Variants in MROH9 observed in about 807,000 individuals in gnomAD.
MROH9 encodes maestro heat-like repeat-containing protein family member 9.
A neutral mutation model predicts 98.2 loss-of-function variants in MROH9; 92 were observed. That is an observed-to-expected ratio of 0.94 (90% CI 0.79 to 1.11). The LOEUF (loss-of-function observed/expected upper bound fraction) is 1.11. Among genes scored for constraint, MROH9 ranks in the 50% most tolerant of loss-of-function variants. The pLI, the probability that MROH9 is intolerant of heterozygous loss-of-function variation, is 0.00. For missense variants in MROH9, 1,057 were observed against 1,014.8 expected (o/e 1.04, Z -0.57); for synonymous variants, 397 against 368.9 (o/e 1.08, Z -0.87).
intron 20 of MROH9, among the ~76,000 whole-genome samples, chr1:171,050,055 A>G (rs907409363): frequency 6.6e-6 from 1 of 152,198 alleles, no homozygotes; most frequent in African/African-American, 2.4e-5. Context: ...AATGCATACT[A>G]TGCAAATACT....
At chr1:171,002,981 TA>T (rs1303079293) in intron 15 of MROH9, among the ~76,000 whole-genome samples, 1 of 152,126 alleles carries the variant, frequency 6.6e-6, no homozygotes, top group Non-Finnish European at 1.5e-5. Flanking sequence ...TGGATTGGGT[TA>T]ATTTGAAGAC....
chr1:170,971,138 A>G (rs149824700), intron 7 of MROH9, among the ~76,000 whole-genome samples: 82 of 152,264 alleles, frequency 5.4e-4, no homozygotes, highest in Non-Finnish European at 9.9e-4. Flanking sequence ...GAGGTCCATT[A>G]AGGTGAAAAT....
At chr1:170,955,039 A>G (rs1022097701) in intron 3 of MROH9, among the ~76,000 whole-genome samples, 1 of 152,096 alleles carries the variant, frequency 6.6e-6, no homozygotes, top group Non-Finnish European at 1.5e-5. Context: ...CTTAGCTCCC[A>G]CATATCACAG....
rs79428573 is a variant in MROH9, at chr1:170,987,913, A to C, written c.879+1203A>C. Among the ~76,000 whole-genome samples, 1,312 of 152,286 alleles carry C rather than the reference A, an allele frequency of 8.6e-3. 14 individuals carry two copies. Among genetic ancestry groups the C allele is most frequent in the African/African-American group, 0.03 (1,231 of 41,550 alleles). On this transcript the variant is annotated intron_variant, in intron 10 of 21. Transcript: ENST00000367759. ...ATTTTCAGACTAAGTGGGAATTTTT[A>C]AAGTAGGTTACAGTTTCAATAAGAT...
At chr1:170,998,623 A>G (rs1651676713) in intron 15 of MROH9, 1 of 1,249,568 alleles carries the variant, frequency 8.0e-7, no homozygotes, top group African/African-American at 1.5e-5. Context: ...AACATCTGGG[A>G]TCTAGGCAGT....
chr1:171,054,543 A>T (rs543342826), intron 20 of MROH9, among the ~76,000 whole-genome samples: 149 of 152,318 alleles, frequency 9.8e-4, no homozygotes, highest in African/African-American at 3.5e-3. Flanking sequence ...GACTTAACTA[A>T]AAAGCTTCTG....
Position 170,992,207 on chromosome 1 carries a change from G to A in MROH9, c.1072G>A (p.Val358Met), listed in dbSNP as rs765971619. Reference protein sequence around the residue: ...MWKAACSQASVAPHVLKTILL... With the variant: ...MWKAACSQASMAPHVLKTILL... ...GAAGGCGGCATGTTCTCAGGCGAGC[G>A]TGGCCCCTCACGTGCTGAAGACAAT... The change falls in exon 12 of 22, where the codon GTG becomes ATG. Residue 358 changes from valine to methionine, a missense_variant. Transcript: ENST00000367759. 1.4e-5 allele frequency: 22 copies of A among 1,612,940 alleles called. No homozygotes were observed. Among genetic ancestry groups the A allele is most frequent in the African/African-American group, 4.0e-5 (3 of 74,834 alleles).
chr1:171,022,949 T>C (rs1423525283), intron 17 of MROH9, among the ~76,000 whole-genome samples: 3 of 152,134 alleles, frequency 2.0e-5, no homozygotes, highest in South Asian at 2.1e-4. Flanking sequence ...TGTGATAAAG[T>C]AGTCAGAGCG....
chr1:170,964,103 A>C (rs1650134218), intron 6 of MROH9, among the ~76,000 whole-genome samples: 2 of 152,076 alleles, frequency 1.3e-5, no homozygotes. Context: ...ACTAAATTGA[A>C]TATGTGGGTT....
chr1:170,940,828 C>T (rs371263565), intron 1 of MROH9, among the ~76,000 whole-genome samples: 3 of 152,192 alleles, frequency 2.0e-5, no homozygotes, highest in Middle Eastern at 3.2e-3. Context: ...TGCAGTATTG[C>T]TTCCAGCTTA....
At chr1:171,047,325 T>C (rs919825323) in intron 20 of MROH9, among the ~76,000 whole-genome samples, 2 of 152,230 alleles carry the variant, frequency 1.3e-5, no homozygotes, top group South Asian at 2.1e-4. Flanking sequence ...CTTGAGGCTA[T>C]TCTAGATCTT....
At chr1:171,017,758 A>G (rs750392467) in intron 17 of MROH9, among the ~76,000 whole-genome samples, 7 of 152,136 alleles carry the variant, frequency 4.6e-5, no homozygotes, top group Non-Finnish European at 1.0e-4. Context: ...TATCCCCCAT[A>G]GCCTAACACA....
At chr1:170,945,180 T>C (rs1369345538) in intron 1 of MROH9, among the ~76,000 whole-genome samples, 12 of 151,790 alleles carry the variant, frequency 7.9e-5, no homozygotes. Context: ...GGTTCTTCAA[T>C]CTGACAGCCT....
At chr1:170,993,505 T>G (rs1651441739) in intron 12 of MROH9, among the ~76,000 whole-genome samples, 1 of 152,176 alleles carries the variant, frequency 6.6e-6, no homozygotes, top group Non-Finnish European at 1.5e-5. Flanking sequence ...CCATCAGTAT[T>G]GTTTCCTCCA....
chr1:170,970,481 C>G (rs1236698686), intron 7 of MROH9, among the ~76,000 whole-genome samples: 9 of 152,096 alleles, frequency 5.9e-5, no homozygotes, highest in Non-Finnish European at 4.4e-5. Context: ...AGGCTGTCTG[C>G]TCCCAGATTC....
At chr1:170,938,099 A>G (rs1009560214) in intron 1 of MROH9, among the ~76,000 whole-genome samples, 10 of 152,164 alleles carry the variant, frequency 6.6e-5, no homozygotes, top group African/African-American at 2.4e-4. Context: ...TCTCTTTGGT[A>G]GTGTGGATCA....
intron 8 of MROH9, among the ~76,000 whole-genome samples, chr1:170,978,315 T>C (rs1194403160): frequency 6.6e-6 from 1 of 151,900 alleles, no homozygotes; most frequent in African/African-American, 2.4e-5. Context: ...CTTCCCCAAA[T>C]TGAGGGCAGC....
chr1:171,035,820 G>C (rs73040216), intron 20 of MROH9, among the ~76,000 whole-genome samples: 13 of 152,042 alleles, frequency 8.6e-5, no homozygotes, highest in Non-Finnish European at 1.8e-4. Flanking sequence ...TGCTGTTGGC[G>C]GAGAAAATTC....
Position 171,064,132 on chromosome 1 carries a change from T to C in MROH9, c.2378T>C (p.Met793Thr), listed in dbSNP as rs535213543. The change falls in exon 22 of 22, where the codon ATG becomes ACG. Residue 793 changes from methionine (M) to threonine (T), a missense_variant. Physicochemically the swap from Met to Thr is moderately conservative, Grantham distance 81. Coordinates refer to ENST00000367759, the MANE Select transcript of MROH9 (RefSeq NM_001163629.2). ...CGACTGCTCCGAGATGAAGACCCTA[T>C]GATCAAACAGTTGGCTGAAATAACC... ...IERLLRDEDPMIKQLAEITYD... is the reference protein window; with the variant it reads ...IERLLRDEDPTIKQLAEITYD... The C allele has an allele frequency of 3.2e-6, 5 of 1,550,156 alleles. No homozygotes were observed. In the South Asian group the frequency reaches 6.0e-5, roughly 19 times the overall value.
Sources: gnomAD v4.1 joint callset for allele counts (sites outside exome capture counted in the v4.1 genomes callset) on GRCh38, gnomAD v4.1.1 for gene constraint, MANE v1.5 for transcripts, NCBI Gene and HGNC (gene_info 2026-07-23, HGNC 2026-07-21) for gene names.